Variants in FBF1 observed in about 807,000 individuals in gnomAD.
FBF1 encodes the protein Fas binding factor 1, also known as fas-binding factor 1.
In FBF1, 119 loss-of-function variants were observed where a neutral mutation model predicts 147.2. The observed-to-expected ratio is 0.81, with a 90% CI of 0.70 to 0.94. The LOEUF (loss-of-function observed/expected upper bound fraction) is 0.94, where lower values mean the gene tolerates loss of function less well. FBF1 is among the 40% of genes least tolerant of loss of function. The pLI is 0.00. For synonymous variants in FBF1, 601 were observed against 609.0 expected (o/e 0.99, Z 0.19); for missense variants, 1,449 against 1,500.8 (o/e 0.97, Z 0.57).
At position 75,917,817 on chromosome 17, in the gene FBF1, T is replaced by TC; in HGVS notation, c.2419dup (p.Asp807GlyfsTer22). On this transcript the variant is annotated frameshift_variant, in exon 23 of 30. Transcript: ENST00000636174. LOFTEE classifies it high-confidence loss of function. ...TTGCCGGCTCCGCTCCTCCTCCATG[T>TC]CCCGCTGCTGCTGGCCCAGCCGCTC... 1.9e-6 allele frequency: 3 copies of TC among 1,607,362 alleles called. No homozygotes were observed. The highest frequency in any genetic ancestry group is 2.5e-6 in the Non-Finnish European group (3 of 1,178,176).
chr17:75,913,526 C>CCTCT (rs112273345), intron 28 of FBF1, 176 bp downstream of exon 28: 53,217 of 494,800 alleles, frequency 0.11, 6,241 homozygotes, highest in African/African-American at 0.43. Context: ...TAATAGTGTT[C>CCTCT]CTCTATTTCT....
rs954946651 is a variant in FBF1, at chr17:75,918,863, G to A, written c.2139-594C>T. ...TCACTATGTTGCCCAGGCTGGTCTT[G>A]AACTCCTAGCCTCAAGCAATCCTCC... On this transcript the variant is annotated intron_variant, in intron 20 of 29. Transcript: ENST00000636174. The surrounding 1 kb of genome is among the most constrained non-coding windows in gnomAD (Gnocchi z 5.8). Among the ~76,000 whole-genome samples, 31 of 139,836 alleles carry A rather than the reference G, an allele frequency of 2.2e-4. No homozygotes were observed. The highest frequency in any genetic ancestry group is 3.8e-4 in the African/African-American group (14 of 37,134). 91.7% of individuals were successfully genotyped at this position (139,836 alleles called of 152,430 possible).
At position 75,919,257 on chromosome 17, in the gene FBF1, T is replaced by C. The variant is rs2065508549; in HGVS notation, c.2138+411A>G. 6.6e-6 allele frequency among the ~76,000 whole-genome samples: 1 copy of C among 152,188 alleles called. No homozygotes were observed. The highest frequency in any genetic ancestry group is 6.5e-5 in the Admixed American group (1 of 15,284). Reference sequence around the variant, plus strand: ...TGCCTTCATCGACCTCTGACTCCCTTAGGTAACTTTTCTTAGTTTCCTTCT... The same window carrying C: ...TGCCTTCATCGACCTCTGACTCCCTCAGGTAACTTTTCTTAGTTTCCTTCT... On this transcript the variant is annotated intron_variant, in intron 20 of 29. Coordinates refer to ENST00000636174, the MANE Select transcript of FBF1 (RefSeq NM_001319193.2). The surrounding 1 kb of genome is among the most constrained non-coding windows in gnomAD (Gnocchi z 5.0).
At chr17:75,915,540 C>T (rs1430453158) in intron 23 of FBF1, among the ~76,000 whole-genome samples, 1 of 152,248 alleles carries the variant, frequency 6.6e-6, no homozygotes, top group Non-Finnish European at 1.5e-5. Flanking sequence ...AAGGCGAGAG[C>T]TTCACTGTGC....
Position 75,925,191 on chromosome 17 carries a change from T to C in FBF1, c.968+156A>G, listed in dbSNP as rs1461628040. ...TGTCTGGGCTGGCGGGACCAGGCCATCTCCCGCTTCCTTCAGCACCTGCAG... is the reference window on the plus strand; with the variant it reads ...TGTCTGGGCTGGCGGGACCAGGCCACCTCCCGCTTCCTTCAGCACCTGCAG... On this transcript the variant is annotated intron_variant, in intron 13 of 29. Coordinates refer to ENST00000636174, the MANE Select transcript of FBF1 (RefSeq NM_001319193.2). The surrounding 1 kb of genome is among the most constrained non-coding windows in gnomAD (Gnocchi z 5.0). 1.3e-5 allele frequency among the ~76,000 whole-genome samples: 2 copies of C among 152,138 alleles called. No individual in the cohort carries two copies. The highest frequency in any genetic ancestry group is 2.9e-5 in the Non-Finnish European group (2 of 68,028).
chr17:75,937,658 T>C, intron 2 of FBF1, 65 bp from the exon 3 acceptor site: 4 of 1,570,378 alleles, frequency 2.5e-6, no homozygotes, highest in East Asian at 2.2e-5. Context: ...AAATTGGCAA[T>C]GCAGAATGAA....
chr17:75,932,861 C>T (rs183851893), intron 5 of FBF1, 134 bp downstream of exon 5: 255 of 563,582 alleles, frequency 4.5e-4, no homozygotes, highest in African/African-American at 3.9e-3. Flanking sequence ...ACTCCAGCCT[C>T]GGCAACAAAT....
intron 17 of FBF1, 111 bp downstream of exon 17, chr17:75,921,133 G>A (rs1567860049): frequency 8.6e-7 from 1 of 1,157,368 alleles, no homozygotes; most frequent in Non-Finnish European, 1.3e-6. Context: ...CATTTGGTAT[G>A]TTTGACACAT....
At chr17:75,912,101 T>C in intron 29 of FBF1, 91 bp downstream of exon 29, 1 of 1,292,798 alleles carries the variant, frequency 7.7e-7, no homozygotes, top group Non-Finnish European at 1.1e-6. Context: ...GGGTCACCCC[T>C]CCCCAGGGCT....
chr17:75,929,132 A>G (rs1158630390), intron 7 of FBF1, among the ~76,000 whole-genome samples: 1 of 152,086 alleles, frequency 6.6e-6, no homozygotes, highest in East Asian at 1.9e-4. Flanking sequence ...CTGGGATTAC[A>G]GGTGCCTGGC....
Position 75,909,969 on chromosome 17 carries a change from G to C in FBF1, c.*754C>G. 2 of 695,294 alleles carry C rather than the reference G, an allele frequency of 2.9e-6. No homozygotes were observed. The highest frequency in any genetic ancestry group is 5.3e-6 in the Non-Finnish European group (2 of 380,600). The allele number at this position is 695,294 out of a possible 1,614,324, so 43.1% of individuals were successfully genotyped here. On this transcript the variant is annotated 3_prime_UTR_variant, in exon 30 of 30. Transcript: ENST00000636174. ...CCTCCACTGCGTACCCGCTGAGCTG[G>C]GCTTTGGGCAGGTGAGCAGCACAGA...
chr17:75,914,148 C>A lies in FBF1; in HGVS notation c.2965G>T (p.Ala989Ser), dbSNP rs373679795. The A allele has an allele frequency of 4.5e-5, 72 of 1,601,830 alleles. No homozygotes were observed. In the Admixed American group the frequency reaches 4.8e-4, roughly 11 times the overall value. ...TTGCTCATGCTCTCCACCTCCTCGG[C>A]GCGGAGCTTGACACGCAGGGCGGTG... ...NATALRVKLR[A>S]EEVESMSKVA... The change falls in exon 26 of 30, where the codon GCC (alanine) becomes TCC (serine). Residue 989 changes from alanine to serine, a missense_variant. Ala to Ser is a moderately conservative substitution (Grantham distance 99). Coordinates refer to ENST00000636174, the MANE Select transcript of FBF1 (RefSeq NM_001319193.2).
At position 75,926,003 on chromosome 17, in the gene FBF1, T is replaced by G. The variant is rs1358903406; in HGVS notation, c.868+27A>C. 2.5e-6 allele frequency: 4 copies of G among 1,586,266 alleles called. No homozygotes were observed. In the African/African-American group the frequency reaches 5.4e-5, roughly 21 times the overall value. Reference sequence around the variant, plus strand: ...TGATCTAGAGGCCTCCCTCCCGTCCTGTTGCGGCCCCCGCAAGCCTCCTTA... The same window carrying G: ...TGATCTAGAGGCCTCCCTCCCGTCCGGTTGCGGCCCCCGCAAGCCTCCTTA... On this transcript the variant is annotated intron_variant, in intron 12 of 29. Coordinates refer to ENST00000636174, the MANE Select transcript of FBF1 (RefSeq NM_001319193.2).
rs1393866717 is a variant in FBF1 at position 75,920,441 on chromosome 17, G to A, written c.1675-12C>T. 6.3e-7 allele frequency: 1 copy of A among 1,598,052 alleles called. No individual in the cohort carries two copies. The highest frequency in any genetic ancestry group is 8.5e-7 in the Non-Finnish European group (1 of 1,172,370). On this transcript the variant is annotated splice_polypyrimidine_tract_variant and intron_variant, in intron 17 of 29. Transcript: ENST00000636174. ...TCTGGGAGCAGGGGCTGGAGGAGAG[G>A]AAGAGAGGTGTTTCTAGTTAGGGAG...
At position 75,926,096 on chromosome 17, in the gene FBF1, G is replaced by T. The variant is rs763692841; in HGVS notation, c.802C>A (p.Leu268Met). 1 of 1,612,168 alleles carries T rather than the reference G, an allele frequency of 6.2e-7. No individual in the cohort carries two copies. The highest frequency in any genetic ancestry group is 2.2e-5 in the East Asian group (1 of 44,852). Residue 268 changes from leucine (L) to methionine (M), a missense_variant, in exon 12 of 30, where the codon CTG becomes ATG. Transcript: ENST00000636174. ...LLGRGMATKLLARPGTGEHRE... is the reference protein window; with the variant it reads ...LLGRGMATKLMARPGTGEHRE... ...TGCTCCCCGGTGCCCGGGCGGGCCA[G>T]GAGTTTGGTGGCCATGCCTCGACCC... is the stretch of plus-strand genomic sequence containing the variant.
At chr17:75,926,661 C>G (rs1280818203) in intron 10 of FBF1, 97 bp downstream of exon 10, 4 of 1,520,282 alleles carry the variant, frequency 2.6e-6, no homozygotes, top group Non-Finnish European at 3.6e-6. Context: ...CTGGTCCCCA[C>G]CTGGGAGAGG....
intron 6 of FBF1, 111 bp downstream of exon 6, chr17:75,931,118 G>A: frequency 8.8e-7 from 1 of 1,137,544 alleles, no homozygotes; most frequent in Non-Finnish European, 1.3e-6. Flanking sequence ...AAAGAACAAA[G>A]TGACTTTGCA....
rs760866521 is a variant in FBF1, at chr17:75,925,367, C to A, written c.948G>T (p.Gln316His). ...CTTACCTGACAGACTGCCGGCGGGA[C>A]TGCCGGCCCTCAGAGGAGACCACAG... ...QPTVVSSEGR[Q>H]SRRQSVSRFF... The change falls in exon 13 of 30, where the codon CAG becomes CAT. Residue 316 changes from glutamine to histidine, a missense_variant. Physicochemically the swap from Gln to His is conservative, Grantham distance 24. Transcript: ENST00000636174. This position sits in a 1 kb window ranked among gnomAD's most constrained non-coding sequence, Gnocchi z 5.0. The A allele has an allele frequency of 5.6e-6, 9 of 1,613,276 alleles. No individual in the cohort carries two copies. In the East Asian group the frequency reaches 1.8e-4, roughly 32 times the overall value.
Position 75,920,005 on chromosome 17 carries a change from A to G in FBF1, c.1931+2T>C, listed in dbSNP as rs756004990. 3 of 1,607,782 alleles carry G rather than the reference A, an allele frequency of 1.9e-6. No homozygotes were observed. Among genetic ancestry groups the G allele is most frequent in the East Asian group, 4.5e-5 (2 of 44,600 alleles). On this transcript the variant is annotated splice_donor_variant, in intron 19 of 29. Coordinates refer to ENST00000636174, the MANE Select transcript of FBF1 (RefSeq NM_001319193.2). LOFTEE classifies it high-confidence loss of function. The stretch of plus-strand genomic sequence containing the variant: ...GCAGAGCTGGGGCCAGCGCCAGGGT[A>G]CCTGTGTGCACTCTCGATGAGCTCC...
Sources: allele counts gnomAD v4.1 joint callset (sites outside exome capture counted in the v4.1 genomes callset), GRCh38; gene constraint gnomAD v4.1.1; non-coding constraint Gnocchi (gnomAD v3.1); transcripts MANE v1.5; gene names NCBI Gene and HGNC (gene_info 2026-07-23, HGNC 2026-07-21).